The following FHOD1 variants were observed in gnomAD, a reference collection of about 807,000 sequenced individuals.
FHOD1 encodes FH1/FH2 domain-containing protein 1.
A neutral mutation model predicts 111.6 loss-of-function variants in FHOD1; 89 were observed. The ratio of observed to expected loss-of-function variants is 0.80; its 90% confidence interval spans 0.67 to 0.95. The LOEUF (loss-of-function observed/expected upper bound fraction) is 0.95, where lower values mean the gene tolerates loss of function less well. Ranked by LOEUF, FHOD1 falls within the 40% of genes least tolerant of loss-of-function variation. The pLI, the probability that FHOD1 is intolerant of heterozygous loss-of-function variation, is 0.00. For synonymous variants in FHOD1, 618 were observed against 639.0 expected, an observed-to-expected ratio of 0.97 and a Z score of 0.50; for missense variants, 1,446 against 1,554.2, an observed-to-expected ratio of 0.93 and a Z score of 1.17.
At position 67,247,343 on chromosome 16, in the gene FHOD1, A is replaced by T. The variant is rs571828284; in HGVS notation, c.68T>A (p.Leu23Gln). The stretch of plus-strand genomic sequence containing the variant: ...ACATGCGAAGGGGTCGGTGTCTTCC[A>T]GGTACTGCACCCTCACGGTCACCAC... ...VSVVTVRVQY[L>Q]EDTDPFACAN... The change falls in exon 1 of 22, where the codon CTG becomes CAG. Residue 23 changes from leucine (L) to glutamine (Q), a missense_variant. Around this residue, in one of 3 missense-constraint regions of FHOD1, gnomAD observed 127 missense variants for 118.0 expected, o/e 1.08. Transcript: ENST00000258201. 1 of 1,613,704 alleles carries T rather than the reference A, an allele frequency of 6.2e-7. No homozygotes were observed. Among genetic ancestry groups the T allele is most frequent in the African/African-American group, 1.3e-5 (1 of 75,052 alleles).
chr16:67,231,248 C>G lies in FHOD1; in HGVS notation c.2607G>C (p.Gln869His), dbSNP rs757725556. The G allele has an allele frequency of 6.2e-7, 1 of 1,614,102 alleles. No individual in the cohort carries two copies. The highest frequency in any genetic ancestry group is 2.2e-5 in the East Asian group (1 of 44,892). Residue 869 changes from glutamine to histidine, a missense_variant, in exon 17 of 22, where the codon CAG (glutamine) becomes CAC (histidine). Physicochemically the swap from Gln to His is conservative, Grantham distance 24. This residue lies in a region of FHOD1 where 1,085 missense variants were observed against 1,108.8 expected (regional missense o/e 0.98). Transcript: ENST00000258201. The surrounding 1 kb of genome is among the most constrained non-coding windows in gnomAD (Gnocchi z 4.3). ...AGAGGTCAGAGGACTCAGGCCGGGT[C>G]TGGAGCACTAGGGAGCAGAGATGGT... ...LLHHLCSLVL[Q>H]TRPESSDLYS...
In FHOD1 at chr16:67,233,656, C is replaced by T; in HGVS notation, c.2046+1G>A. On this transcript the variant is annotated splice_donor_variant, in intron 13 of 21. Transcript: ENST00000258201. LOFTEE classifies it high-confidence loss of function. Reference sequence around the variant, plus strand: ...GCTACCTTGCAGATGAGTGGATTTACCTTGGAGGGCAGCACCTCTTTGGCA... The same window carrying T: ...GCTACCTTGCAGATGAGTGGATTTATCTTGGAGGGCAGCACCTCTTTGGCA... The T allele has an allele frequency of 6.3e-7, 1 of 1,590,210 alleles. No individual in the cohort carries two copies. Among genetic ancestry groups the T allele is most frequent in the East Asian group, 2.3e-5 (1 of 44,318 alleles).
Position 67,238,421 on chromosome 16 carries a change from C to G in FHOD1, c.400G>C (p.Glu134Gln), listed in dbSNP as rs1441351495. 1.2e-6 allele frequency: 2 copies of G among 1,614,000 alleles called. No individual in the cohort carries two copies. Among genetic ancestry groups the G allele is most frequent in the Non-Finnish European group, 1.7e-6 (2 of 1,180,006 alleles). Reference protein sequence around the residue: ...LEKLYSSSGPELRRSLFSLKQ... With the variant: ...LEKLYSSSGPQLRRSLFSLKQ... Reference sequence around the variant, plus strand: ...AGTGAGAAGAGGGAGCGGCGGAGCTCAGGACCACTGGAGCTATACAGCTTT... The same window carrying G: ...AGTGAGAAGAGGGAGCGGCGGAGCTGAGGACCACTGGAGCTATACAGCTTT... The change falls in exon 4 of 22, where the codon GAG (glutamate) becomes CAG (glutamine). Residue 134 changes from glutamate (E) to glutamine (Q), a missense_variant. Coordinates refer to ENST00000258201, the MANE Select transcript of FHOD1 (RefSeq NM_013241.3). This position sits in a 1 kb window ranked among gnomAD's most constrained non-coding sequence, Gnocchi z 4.2.
At position 67,229,958 on chromosome 16, in the gene FHOD1, T is replaced by C; in HGVS notation, c.3247A>G (p.Thr1083Ala). The C allele has an allele frequency of 6.2e-7, 1 of 1,614,164 alleles. No individual in the cohort carries two copies. The highest frequency in any genetic ancestry group is 8.5e-7 in the Non-Finnish European group (1 of 1,180,014). The change falls in exon 21 of 22, where the codon ACA becomes GCA. Residue 1083 changes from threonine to alanine, a missense_variant. Thr to Ala is a moderately conservative substitution (Grantham distance 58, BLOSUM62 0). Coordinates refer to ENST00000258201, the MANE Select transcript of FHOD1 (RefSeq NM_013241.3). ...GGGGATGCAGTGGAGGGCCCCACTG[T>C]GGGCATGATTGGGGAGCTGCTCTGG... ...MVQSSSPIMPTVGPSTASPEE... is the reference protein window; with the variant it reads ...MVQSSSPIMPAVGPSTASPEE...
chr16:67,236,031 C>A, intron 11 of FHOD1: 1 of 984,938 alleles, frequency 1.0e-6, no homozygotes, highest in Non-Finnish European at 1.2e-6. Context: ...CCTGGCCTGC[C>A]CAGGAGGGGA....
chr16:67,245,907 C>T (rs2034803823), intron 1 of FHOD1, among the ~76,000 whole-genome samples: 1 of 152,194 alleles, frequency 6.6e-6, no homozygotes, highest in African/African-American at 2.4e-5. Flanking sequence ...CTCCTGTCTT[C>T]CCAGCCCCCA....
chr16:67,229,613 T>C lies in FHOD1; in HGVS notation c.*23A>G, dbSNP rs1259727330. The C allele has an allele frequency of 5.6e-6, 9 of 1,608,214 alleles. No individual in the cohort carries two copies. Among genetic ancestry groups the C allele is most frequent in the Non-Finnish European group, 6.8e-6 (8 of 1,174,640 alleles). ...CCTGCACTGCAGTCCAGGGTCCAGATAGATTTCCGGGATACAGCACCTTCA... is the reference window on the plus strand; with the variant it reads ...CCTGCACTGCAGTCCAGGGTCCAGACAGATTTCCGGGATACAGCACCTTCA... On this transcript the variant is annotated 3_prime_UTR_variant, in exon 22 of 22. Transcript: ENST00000258201.
Position 67,236,667 on chromosome 16 carries a change from G to A in FHOD1, c.1209C>T (p.Pro403=), listed in dbSNP as rs746990896. The A allele has an allele frequency of 1.9e-6, 3 of 1,607,946 alleles. No individual in the cohort carries two copies. The highest frequency in any genetic ancestry group is 2.5e-6 in the Non-Finnish European group (3 of 1,177,254). The change falls in exon 11 of 22, where the codon CCC becomes CCT. Residue 403 remains proline (P), a synonymous_variant. Coordinates refer to ENST00000258201, the MANE Select transcript of FHOD1 (RefSeq NM_013241.3). ...AGGGAGGGCCCACAGGGCTGGAGGC[G>A]GGGCCTGTCAGCAGGGCGGGGCCGG... is the stretch of plus-strand genomic sequence containing the variant. ...SSTGPALLTG[P]ASSPVGPPSG...
chr16:67,242,517 G>T (rs950191861), intron 1 of FHOD1, among the ~76,000 whole-genome samples: 1 of 152,234 alleles, frequency 6.6e-6, no homozygotes, highest in Non-Finnish European at 1.5e-5. Context: ...CCTTCCTGGG[G>T]TCACCCTTCT....
Position 67,229,784 on chromosome 16 carries a change from G to T in FHOD1, c.3412+9C>A. 6.2e-7 allele frequency: 1 copy of T among 1,614,202 alleles called. No individual in the cohort carries two copies. The highest frequency in any genetic ancestry group is 1.7e-5 in the Admixed American group (1 of 60,030). The stretch of plus-strand genomic sequence containing the variant: ...CAGGTGGGCAGTGGGATTGTGGGGG[G>T]TTACTTACAAGACTTGCGGTTGCCG... On this transcript the variant is annotated intron_variant, in intron 21 of 21. Coordinates refer to ENST00000258201, the MANE Select transcript of FHOD1 (RefSeq NM_013241.3).
rs772340071 is a variant in FHOD1, at chr16:67,231,403, C to T, written c.2505+27G>A. ...TGGTTGGCTCCAGAACCCTGACTCC[C>T]CCTAGTCCCCATGTACTCTCACTCA... On this transcript the variant is annotated intron_variant, in intron 16 of 21. Transcript: ENST00000258201. This position sits in a 1 kb window ranked among gnomAD's most constrained non-coding sequence, Gnocchi z 4.3. 1 of 1,613,578 alleles carries T rather than the reference C, an allele frequency of 6.2e-7. No homozygotes were observed. Among genetic ancestry groups the T allele is most frequent in the South Asian group, 1.1e-5 (1 of 91,004 alleles).
rs778246421 is a variant in FHOD1 at position 67,238,949 on chromosome 16, C to T, written c.327G>A (p.Thr109=). Reference sequence around the variant, plus strand: ...CAGAGAGCTGGGTCCGAAGGATCAGCGTGGGCTTCCGCCCTTTGCTGGAAT... The same window carrying T: ...CAGAGAGCTGGGTCCGAAGGATCAGTGTGGGCTTCCGCCCTTTGCTGGAAT... ...YEEISKGRKP[T]LILRTQLSVR... The change falls in exon 3 of 22, where the codon ACG becomes ACA. Residue 109 remains threonine, a synonymous_variant. Coordinates refer to ENST00000258201, the MANE Select transcript of FHOD1 (RefSeq NM_013241.3). The surrounding 1 kb of genome is among the most constrained non-coding windows in gnomAD (Gnocchi z 4.2). The T allele has an allele frequency of 1.2e-5, 20 of 1,614,068 alleles. No homozygotes were observed. The highest frequency in any genetic ancestry group is 1.2e-4 in the Admixed American group (7 of 60,012).
In FHOD1 at chr16:67,233,711, C is replaced by A. The variant is rs200779385; in HGVS notation, c.1992G>T (p.Thr664=). ...WASLDPVSVD[T]ARLEHLFESR... is the part of the protein sequence containing the mutation. The stretch of plus-strand genomic sequence containing the variant: ...ACTCAAAGAGGTGTTCCAGTCGGGC[C>A]GTGTCCACTGAGACAGGGTCCAGTG... Residue 664 remains threonine (T), a synonymous_variant, in exon 13 of 22, where the codon ACG becomes ACT. Transcript: ENST00000258201. The A allele has an allele frequency of 2.3e-5, 37 of 1,611,240 alleles. No homozygotes were observed. The highest frequency in any genetic ancestry group is 2.9e-5 in the Non-Finnish European group (34 of 1,177,912).
chr16:67,233,623 C>T (rs772959406), intron 13 of FHOD1, 34 bp downstream of exon 13: 1 of 1,554,840 alleles, frequency 6.4e-7, no homozygotes, highest in East Asian at 2.3e-5. Context: ...CCTCCTGCCT[C>T]CCTTGGGGCT....
chr16:67,238,745 C>G lies in FHOD1; in HGVS notation c.373+158G>C. The stretch of plus-strand genomic sequence containing the variant: ...TCTAACATTCTTGAATCCCCCTCCA[C>G]TCCCACCATGGCCCTGGAAGAAGAG... On this transcript the variant is annotated intron_variant, in intron 3 of 21. Coordinates refer to ENST00000258201, the MANE Select transcript of FHOD1 (RefSeq NM_013241.3). The surrounding 1 kb of genome is among the most constrained non-coding windows in gnomAD (Gnocchi z 4.2). 1 of 737,020 alleles carries G rather than the reference C, an allele frequency of 1.4e-6. No individual in the cohort carries two copies. Among genetic ancestry groups the G allele is most frequent in the Non-Finnish European group, 2.4e-6 (1 of 423,806 alleles). 45.7% of individuals were successfully genotyped at this position (737,020 alleles called of 1,614,324 possible). A position where few individuals can be genotyped will look rare whatever the true frequency, so the allele number is the denominator to read the frequency against.
At chr16:67,232,003 G>A (rs768849841) in intron 14 of FHOD1, 36 bp downstream of exon 14, 4 of 1,611,156 alleles carry the variant, frequency 2.5e-6, no homozygotes, top group East Asian at 2.2e-5. Context: ...GAGAAGGCCA[G>A]ACCTCCCCCC....
At position 67,233,739 on chromosome 16, in the gene FHOD1, G is replaced by A. The variant is rs763827204; in HGVS notation, c.1964C>T (p.Ala655Val). 1 of 1,613,940 alleles carries A rather than the reference G, an allele frequency of 6.2e-7. No homozygotes were observed. Among genetic ancestry groups the A allele is most frequent in the Admixed American group, 1.7e-5 (1 of 60,014 alleles). The change falls in exon 13 of 22, where the codon GCT becomes GTT. Residue 655 changes from alanine to valine, a missense_variant. Ala to Val is a moderately conservative substitution (Grantham distance 64). Around this residue, in one of 3 missense-constraint regions of FHOD1, gnomAD observed 1,085 missense variants for 1,108.8 expected, o/e 0.98. Transcript: ENST00000258201. Reference protein sequence around the residue: ...SRFGPCATLWASLDPVSVDTA... With the variant: ...SRFGPCATLWVSLDPVSVDTA... ...GTCCACTGAGACAGGGTCCAGTGAA[G>A]CCCAGAGGGTGGCGCAGGGCCCAAA...
At chr16:67,230,953 G>A (rs1273608815) in intron 17 of FHOD1, 162 bp from the exon 18 acceptor site, 14 of 872,712 alleles carry the variant, frequency 1.6e-5, no homozygotes, top group Admixed American at 5.7e-5. Flanking sequence ...TGATGTGAAT[G>A]GGGAGCAGAA....
chr16:67,231,417 TACTCTC>T lies in FHOD1; in HGVS notation c.2505+7_2505+12del. 6.6e-7 allele frequency: 1 copy of T among 1,509,828 alleles called. No individual in the cohort carries two copies. Among genetic ancestry groups the T allele is most frequent in the Non-Finnish European group, 9.0e-7 (1 of 1,109,422 alleles). The allele number at this position is 1,509,828 out of a possible 1,614,324, so 93.5% of individuals were successfully genotyped here. ...ACCCTGACTCCCCCTAGTCCCCATGTACTCTCACTCACCTGGGAGCCATTGAGGAAG... is the reference window on the plus strand; with the variant it reads ...ACCCTGACTCCCCCTAGTCCCCATGTACTCACCTGGGAGCCATTGAGGAAG... On this transcript the variant is annotated splice_region_variant and intron_variant, in intron 16 of 21. Transcript: ENST00000258201. This position sits in a 1 kb window ranked among gnomAD's most constrained non-coding sequence, Gnocchi z 4.3.
Sources: gnomAD v4.1 joint callset for allele counts (sites outside exome capture counted in the v4.1 genomes callset) on GRCh38, gnomAD v4.1.1 for gene constraint, gnomAD v4.1.1 regional missense constraint, Gnocchi (gnomAD v3.1) non-coding constraint, MANE v1.5 for transcripts, NCBI Gene and HGNC (gene_info 2026-07-23, HGNC 2026-07-21) for gene names.